The following RARB variants were observed in gnomAD, a reference collection of about 807,000 sequenced individuals.
The protein encoded by RARB is retinoic acid receptor beta.
Under a neutral mutation model 51.9 loss-of-function variants are expected in RARB, and 17 were observed. The observed-to-expected ratio is 0.33, with a 90% CI of 0.22 to 0.49. The LOEUF (loss-of-function observed/expected upper bound fraction) is 0.49. RARB is among the 20% of genes least tolerant of loss of function. The pLI is 0.99. For missense variants in RARB, 369 were observed against 550.8 expected (o/e 0.67, Z 3.30); for synonymous variants, 215 against 195.4 (o/e 1.10, Z -0.84).
intron 3 of RARB, among the ~76,000 whole-genome samples, chr3:25,065,768 G>T (rs934022629): frequency 9.9e-5 from 15 of 152,284 alleles, no homozygotes; most frequent in African/African-American, 3.1e-4. Flanking sequence ...CACACATGAA[G>T]AATGATGTCA....
intron 2 of RARB, among the ~76,000 whole-genome samples, chr3:24,887,229 A>C (rs1703283659): frequency 6.6e-6 from 1 of 152,248 alleles, no homozygotes; most frequent in Non-Finnish European, 1.5e-5. Flanking sequence ...AAAACTTTCA[A>C]GGCGGCGGGG....
intron 5 of RARB, among the ~76,000 whole-genome samples, chr3:25,300,914 T>C (rs1704023179): frequency 6.6e-6 from 1 of 152,118 alleles, no homozygotes; most frequent in African/African-American, 2.4e-5. Context: ...GGAGAATTGC[T>C]TGAACCTGGG....
At chr3:25,098,176 A>G (rs1699336457) in intron 3 of RARB, among the ~76,000 whole-genome samples, 1 of 152,132 alleles carries the variant, frequency 6.6e-6, no homozygotes, top group African/African-American at 2.4e-5. Context: ...AAGCTGGAGC[A>G]GAGGCCTGAA....
At chr3:25,493,851 CAT>C (rs576601803) in intron 2 of RARB, among the ~76,000 whole-genome samples, 230 of 152,282 alleles carry the variant, frequency 1.5e-3, no homozygotes, top group African/African-American at 4.9e-3. Flanking sequence ...ACATTCCACA[CAT>C]GTTAAACCTG....
chr3:25,031,426 A>G (rs1331409414), intron 2 of RARB, among the ~76,000 whole-genome samples: 1 of 152,176 alleles, frequency 6.6e-6, no homozygotes, highest in Non-Finnish European at 1.5e-5. Context: ...AGGAAAGAGA[A>G]CTGATCATTT....
At chr3:24,958,255 G>GTTTTGT (rs1314564374) in intron 2 of RARB, among the ~76,000 whole-genome samples, 239 of 69,546 alleles carry the variant, frequency 3.4e-3, no homozygotes, top group Non-Finnish European at 5.5e-3. Context: ...AGCTGCTCAG[G>GTTTTGT]TTTTTTTTTT....
At chr3:25,404,836 G>A (rs1268507345) in intron 5 of RARB, among the ~76,000 whole-genome samples, 2 of 152,100 alleles carry the variant, frequency 1.3e-5, no homozygotes, top group African/African-American at 4.8e-5. Context: ...TATACCTACT[G>A]AACCTCCAAC....
At chr3:25,123,296 G>T (rs948846923) in intron 3 of RARB, among the ~76,000 whole-genome samples, 1 of 152,154 alleles carries the variant, frequency 6.6e-6, no homozygotes, top group Admixed American at 6.5e-5. Flanking sequence ...TTTCAGGACT[G>T]AGCATCTGTT....
intron 5 of RARB, among the ~76,000 whole-genome samples, chr3:25,310,463 C>A (rs779871679): frequency 6.6e-6 from 1 of 152,054 alleles, no homozygotes; most frequent in Non-Finnish European, 1.5e-5. Context: ...AAGTCTCTAC[C>A]CTTGTGGAAA....
intron 5 of RARB, among the ~76,000 whole-genome samples, chr3:25,236,759 A>G (rs1480912631): frequency 1.3e-5 from 2 of 152,082 alleles, no homozygotes; most frequent in Non-Finnish European, 1.5e-5. Context: ...GGTAGGGGTC[A>G]TAAGAAAAAT....
At chr3:25,495,975 G>A (rs919540923) in intron 2 of RARB, among the ~76,000 whole-genome samples, 3 of 152,230 alleles carry the variant, frequency 2.0e-5, no homozygotes, top group African/African-American at 7.2e-5. Context: ...ACAGCCAACA[G>A]AGGCCCTGAC....
At chr3:25,100,558 T>A (rs1699380748) in intron 3 of RARB, among the ~76,000 whole-genome samples, 1 of 152,198 alleles carries the variant, frequency 6.6e-6, no homozygotes, top group East Asian at 1.9e-4. Flanking sequence ...TTCGGTAGTA[T>A]AACTAAGCAA....
intron 5 of RARB, among the ~76,000 whole-genome samples, chr3:25,248,016 C>T (rs1366595198): frequency 1.3e-5 from 2 of 152,060 alleles, no homozygotes; most frequent in Admixed American, 1.3e-4. Flanking sequence ...AATTCCTCTT[C>T]CTTTAAATCT....
chr3:24,860,142 T>TCTTGGGGGTA (rs1702721385), intron 2 of RARB, among the ~76,000 whole-genome samples: 1 of 152,084 alleles, frequency 6.6e-6, no homozygotes, highest in Non-Finnish European at 1.5e-5. Context: ...ACGGGGCCCA[T>TCTTGGGGGTA]GTCAGAGGGG....
intron 5 of RARB, among the ~76,000 whole-genome samples, chr3:25,367,350 A>G (rs773108099): frequency 6.6e-6 from 1 of 151,870 alleles, no homozygotes; most frequent in Non-Finnish European, 1.5e-5. Flanking sequence ...CTTGTCAGGA[A>G]CTCCTTCCGT....
At chr3:25,119,662 A>AC (rs1206682376) in intron 3 of RARB, among the ~76,000 whole-genome samples, 25 of 150,902 alleles carry the variant, frequency 1.7e-4, no homozygotes, top group African/African-American at 5.9e-4. Flanking sequence ...AAACAAACAA[A>AC]AAAAAAACAA....
chr3:25,244,020 CT>C (rs1454719697), intron 5 of RARB, among the ~76,000 whole-genome samples: 5 of 152,272 alleles, frequency 3.3e-5, no homozygotes, highest in African/African-American at 1.2e-4. Context: ...TATTTGACTT[CT>C]TCCTGGTTTA....
At chr3:25,174,670 T>C (rs1433370121) in intron 5 of RARB, 2 of 1,131,914 alleles carry the variant, frequency 1.8e-6, no homozygotes, top group Non-Finnish European at 1.2e-6. Context: ...CAATTTCTTA[T>C]TTCATTGGGT....
chr3:25,465,500 A>T (rs998616985), intron 2 of RARB, among the ~76,000 whole-genome samples: 21 of 152,198 alleles, frequency 1.4e-4, no homozygotes, highest in African/African-American at 4.8e-4. Flanking sequence ...CATAACCAGG[A>T]TGACCTAATT....
Sources: allele counts gnomAD v4.1 joint callset (sites outside exome capture counted in the v4.1 genomes callset), GRCh38; gene constraint gnomAD v4.1.1; transcripts MANE v1.5; gene names NCBI Gene and HGNC (gene_info 2026-07-23, HGNC 2026-07-21).